The following PEX1 variants were observed in gnomAD, a reference collection of about 807,000 sequenced individuals.
PEX1 encodes peroxisomal biogenesis factor 1, also known as peroxisomal ATPase PEX1.
In PEX1, 97 loss-of-function variants were observed where a neutral mutation model predicts 152.5. That is an observed-to-expected ratio of 0.64 (90% CI 0.54 to 0.75). The LOEUF (loss-of-function observed/expected upper bound fraction) is 0.75, where lower values mean the gene tolerates loss of function less well. PEX1 is among the 30% of genes least tolerant of loss of function. The probability of loss-of-function intolerance (pLI) is 0.00; values close to 1 mark genes in which losing one functional copy is unlikely to be tolerated. For synonymous variants in PEX1, 485 were observed against 531.6 expected (o/e 0.91, Z 1.21); for missense variants, 1,357 against 1,516.3 (o/e 0.89, Z 1.74).
At chr7:92,515,489 T>G (rs900703397) in intron 5 of PEX1, among the ~76,000 whole-genome samples, 6 of 152,154 alleles carry the variant, frequency 3.9e-5, no homozygotes, top group African/African-American at 1.4e-4. Context: ...CAACCTTCAG[T>G]GGAGTGGGAA....
chr7:92,503,639 T>A (rs1216899684), intron 12 of PEX1, among the ~76,000 whole-genome samples: 1 of 152,124 alleles, frequency 6.6e-6, no homozygotes, highest in African/African-American at 2.4e-5. Context: ...TATGAGAAGG[T>A]CAGAACTGAA....
chr7:92,510,054 G>T (rs1792383536), intron 8 of PEX1, among the ~76,000 whole-genome samples: 1 of 151,040 alleles, frequency 6.6e-6, no homozygotes, highest in Non-Finnish European at 1.5e-5. Flanking sequence ...TGAGGCAGGA[G>T]AATCACTTGA....
chr7:92,508,404 G>GGTGTGGT (rs1167325743), intron 9 of PEX1, among the ~76,000 whole-genome samples: 2 of 152,070 alleles, frequency 1.3e-5, no homozygotes, highest in African/African-American at 4.8e-5. Flanking sequence ...CAGGTGTGGT[G>GGTGTGGT]GTGCATGCTT....
At chr7:92,501,851 A>G (rs764312746) in intron 14 of PEX1, 39 bp downstream of exon 14, 14 of 1,544,032 alleles carry the variant, frequency 9.1e-6, no homozygotes, top group Non-Finnish European at 1.3e-5. Flanking sequence ...CCACAATAGA[A>G]AGAAGATTCC....
chr7:92,520,746 C>CAG (rs140667450), intron 2 of PEX1, among the ~76,000 whole-genome samples: 5 of 151,750 alleles, frequency 3.3e-5, no homozygotes, highest in African/African-American at 1.2e-4. Context: ...AAGACGCACA[C>CAG]AGAGAGAGAG....
chr7:92,522,019 C>T, intron 2 of PEX1, 83 bp downstream of exon 2: 1 of 1,455,260 alleles, frequency 6.9e-7, no homozygotes, highest in Non-Finnish European at 9.6e-7. Flanking sequence ...CCTCCTTTAA[C>T]AAAAAATCTA....
In PEX1 at chr7:92,489,338, G is replaced by A. The variant is rs1791136903; in HGVS notation, c.3722C>T (p.Thr1241Ile). 1.2e-6 allele frequency: 2 copies of A among 1,612,892 alleles called. No homozygotes were observed. Among genetic ancestry groups the A allele is most frequent in the Non-Finnish European group, 8.5e-7 (1 of 1,179,060 alleles). Residue 1241 changes from threonine to isoleucine, a missense_variant, in exon 23 of 24, where the codon ACA (threonine) becomes ATA (isoleucine). Transcript: ENST00000248633. ...GTCATCTTCACTAATGGATGGTCTT[G>A]TGTGACCAAGTGCAGTCATTAAATG... The part of the protein sequence containing the change: ...QSHLMTALGH[T>I]RPSISEDDWK...
At chr7:92,490,775 T>C (rs1044929529) in intron 21 of PEX1, among the ~76,000 whole-genome samples, 3 of 152,168 alleles carry the variant, frequency 2.0e-5, no homozygotes, top group African/African-American at 4.8e-5. Context: ...AGAAGAGATG[T>C]TGAATGCTAG....
At chr7:92,494,111 G>A (rs933120562) in intron 19 of PEX1, 182 bp downstream of exon 19, 9 of 595,128 alleles carry the variant, frequency 1.5e-5, no homozygotes, top group Non-Finnish European at 2.7e-5. Flanking sequence ...CTTGCACTGG[G>A]CCAAAAAAAG....
intron 19 of PEX1, chr7:92,493,965 CAG>C (rs767855848): frequency 4.3e-5 from 13 of 299,986 alleles, no homozygotes; most frequent in Non-Finnish European, 7.0e-5. Flanking sequence ...GATTCTGTAT[CAG>C]AGTTTTTTTT....
intron 16 of PEX1, 112 bp from the exon 17 acceptor site, chr7:92,496,889 T>C: frequency 1.4e-6 from 1 of 732,930 alleles, no homozygotes; most frequent in East Asian, 2.7e-5. Flanking sequence ...TAAATGGATG[T>C]CTTTTATACA....
intron 23 of PEX1, among the ~76,000 whole-genome samples, chr7:92,487,889 A>C (rs1791020615): frequency 6.6e-6 from 1 of 152,226 alleles, no homozygotes; most frequent in African/African-American, 2.4e-5. Context: ...ACTGCAACAC[A>C]CAATGTTAGT....
rs1793416171 is a variant in PEX1 at position 92,528,508 on chromosome 7, G to C, written c.-73C>G. ...ACCCGGGACCCGGCAGGCCGAGGAC[G>C]TCGGAGCCGGAGGAGATCGATCGGC... On this transcript the variant is annotated 5_prime_UTR_variant, in exon 1 of 24. Coordinates refer to ENST00000248633, the MANE Select transcript of PEX1 (RefSeq NM_000466.3). 6.7e-7 allele frequency: 1 copy of C among 1,481,554 alleles called. No individual in the cohort carries two copies. The highest frequency in any genetic ancestry group is 9.0e-7 in the Non-Finnish European group (1 of 1,116,254). 91.8% of individuals were successfully genotyped at this position (1,481,554 alleles called of 1,614,324 possible).
At chr7:92,522,025 A>G (rs1330466020) in intron 2 of PEX1, 77 bp downstream of exon 2, 2 of 1,489,754 alleles carry the variant, frequency 1.3e-6, no homozygotes, top group African/African-American at 2.8e-5. Context: ...TTAACAAAAA[A>G]TCTAAACTTT....
chr7:92,494,070 G>A, intron 19 of PEX1: 2 of 507,312 alleles, frequency 3.9e-6, no homozygotes, highest in Non-Finnish European at 7.1e-6. Flanking sequence ...TCCCCAATCA[G>A]CCAACACAGA....
intron 5 of PEX1, among the ~76,000 whole-genome samples, chr7:92,514,544 A>C (rs558765887): frequency 2.0e-5 from 3 of 152,318 alleles, no homozygotes; most frequent in African/African-American, 7.2e-5. Context: ...TATTTGTGAA[A>C]GTTAACAACC....
At position 92,509,409 on chromosome 7, in the gene PEX1, G is replaced by C; in HGVS notation, c.1590C>G (p.Val530=). Residue 530 remains valine, a splice_region_variant and synonymous_variant, in exon 9 of 24, where the codon GTC becomes GTG. Coordinates refer to ENST00000248633, the MANE Select transcript of PEX1 (RefSeq NM_000466.3). ...CTTCTTTTACCATAGGATCTAGAAGGACCTACAGTTGCAAGGAAAAATCAG... is the reference window on the plus strand; with the variant it reads ...CTTCTTTTACCATAGGATCTAGAAGCACCTACAGTTGCAAGGAAAAATCAG... ...PNLLQKTTIQ[V]LLDPMVKEEN... is the part of the protein sequence containing the mutation. The C allele has an allele frequency of 1.2e-6, 2 of 1,604,250 alleles. No homozygotes were observed. The highest frequency in any genetic ancestry group is 1.7e-6 in the Non-Finnish European group (2 of 1,171,784).
Position 92,494,514 on chromosome 7 carries a change from G to A in PEX1, c.2899C>T (p.Gln967Ter). ...TDRVVNQLLTQLDGVEGLQGV... is the reference protein window; with the variant it reads ...TDRVVNQLLT ...TGTAAGCCTTCTACTCCATCCAACT[G>A]AGTCAGCAACTGGTTAACTACTCGG... The change falls in exon 18 of 24, where the codon CAG becomes TAG. Residue 967 changes from glutamine to a stop codon, truncating the protein, a stop_gained. Transcript: ENST00000248633. LOFTEE classifies it high-confidence loss of function. The A allele has an allele frequency of 6.2e-7, 1 of 1,613,864 alleles. No homozygotes were observed. The highest frequency in any genetic ancestry group is 8.5e-7 in the Non-Finnish European group (1 of 1,179,802).
At chr7:92,489,607 C>CGG in intron 22 of PEX1, 107 bp downstream of exon 22, 2 of 1,118,376 alleles carry the variant, frequency 1.8e-6, no homozygotes, top group Non-Finnish European at 2.7e-6. Context: ...GTTCTGGTCC[C>CGG]TTGTTTATAA....
Sources: gnomAD v4.1 joint callset for allele counts (sites outside exome capture counted in the v4.1 genomes callset) on GRCh38, gnomAD v4.1.1 for gene constraint, MANE v1.5 for transcripts, NCBI Gene and HGNC (gene_info 2026-07-23, HGNC 2026-07-21) for gene names.